The following SLC18A2 variants were observed in gnomAD, a reference collection of about 807,000 sequenced individuals.
The protein encoded by SLC18A2 is synaptic vesicular amine transporter.
A neutral mutation model predicts 59.2 loss-of-function variants in SLC18A2; 33 were observed. The observed-to-expected ratio is 0.56, with a 90% CI of 0.42 to 0.75. SLC18A2 has a LOEUF of 0.75. Ranked by LOEUF, SLC18A2 falls within the 30% of genes least tolerant of loss-of-function variation. SLC18A2 has a pLI of 0.00. For synonymous variants in SLC18A2, 228 were observed against 253.5 expected, an observed-to-expected ratio of 0.90 and a Z score of 0.95; for missense variants, 569 against 668.6, an observed-to-expected ratio of 0.85 and a Z score of 1.64.
chr10:117,253,856 A>G (rs369334723), intron 4 of SLC18A2, among the ~76,000 whole-genome samples, 192 bp from the exon 5 acceptor site: 6 of 152,208 alleles, frequency 3.9e-5, no homozygotes, highest in Non-Finnish European at 8.8e-5. Flanking sequence ...AAAAAAAAGT[A>G]TATGGCCTGG....
rs11369697 is a variant in SLC18A2, at chr10:117,246,661, C to CTT, written c.464+2356_464+2357dup. Among the ~76,000 whole-genome samples the CTT allele has an allele frequency of 9.6e-3, 1,443 of 150,496 alleles. 65 individuals are homozygous for CTT. The highest frequency in any genetic ancestry group is 0.07 in the Admixed American group (1,059 of 15,126). Reference sequence around the variant, plus strand: ...TGGAAGGACAAACAAATTTTTTTTTCTTTTTTTTTGAGATAGAGTCTTGCT... The same window carrying CTT: ...TGGAAGGACAAACAAATTTTTTTTTCTTTTTTTTTTTGAGATAGAGTCTTGCT... On this transcript the variant is annotated intron_variant, in intron 3 of 15. Coordinates refer to ENST00000644641, the MANE Select transcript of SLC18A2 (RefSeq NM_003054.6).
At position 117,266,799 on chromosome 10, in the gene SLC18A2, A is replaced by T; in HGVS notation, c.1058A>T (p.His353Leu). The T allele has an allele frequency of 6.2e-7, 1 of 1,613,362 alleles. No individual in the cohort carries two copies. Among genetic ancestry groups the T allele is most frequent in the Non-Finnish European group, 8.5e-7 (1 of 1,179,460 alleles). Reference sequence around the variant, plus strand: ...ACCAATATTTTTGGGATACTTGCACACAAAATGGGGAGGTAAGATGATATG... The same window carrying T: ...ACCAATATTTTTGGGATACTTGCACTCAAAATGGGGAGGTAAGATGATATG... ...IGTNIFGILAHKMGRWLCALL... is the reference protein window; with the variant it reads ...IGTNIFGILALKMGRWLCALL... The change falls in exon 11 of 16, where the codon CAC becomes CTC. Residue 353 changes from histidine to leucine, a missense_variant. By Grantham distance (99) the His-to-Leu change is moderately conservative. This residue lies in a region of SLC18A2 where 192 missense variants were observed against 278.8 expected (regional missense o/e 0.69). Coordinates refer to ENST00000644641, the MANE Select transcript of SLC18A2 (RefSeq NM_003054.6).
intron 9 of SLC18A2, among the ~76,000 whole-genome samples, chr10:117,256,650 G>C (rs777057138): frequency 1.3e-5 from 2 of 152,186 alleles, no homozygotes; most frequent in Non-Finnish European, 2.9e-5. Context: ...CCAAGACCCT[G>C]TCTATCATGC....
intron 15 of SLC18A2, among the ~76,000 whole-genome samples, chr10:117,276,613 C>CAAA (rs1161850365): frequency 0.46 from 21,306 of 46,778 alleles, 5,736 homozygotes; most frequent in Non-Finnish European, 0.52. Context: ...GACTTCATCT[C>CAAA]AAAAAAAAAA....
chr10:117,256,594 C>T (rs771369180), intron 9 of SLC18A2, among the ~76,000 whole-genome samples: 41 of 152,150 alleles, frequency 2.7e-4, no homozygotes, highest in Non-Finnish European at 4.7e-4. Context: ...TTTGTTTAAC[C>T]CTTCTGCTGC....
intron 10 of SLC18A2, among the ~76,000 whole-genome samples, chr10:117,259,496 C>A (rs928803666): frequency 1.6e-4 from 24 of 152,168 alleles, no homozygotes; most frequent in African/African-American, 5.8e-4. Flanking sequence ...CAGAGCATAG[C>A]CTCCCACAGC....
chr10:117,261,368 C>T (rs1271677694), intron 10 of SLC18A2, among the ~76,000 whole-genome samples: 5 of 152,126 alleles, frequency 3.3e-5, no homozygotes, highest in African/African-American at 7.2e-5. Context: ...AGTGCAATGG[C>T]GCGATCTTGG....
At chr10:117,254,877 T>G (rs1844209953) in intron 6 of SLC18A2, among the ~76,000 whole-genome samples, 1 of 152,218 alleles carries the variant, frequency 6.6e-6, no homozygotes, top group Non-Finnish European at 1.5e-5. Flanking sequence ...GACAAACATC[T>G]TCCCTGAGAG....
chr10:117,244,761 G>T (rs187474274), intron 3 of SLC18A2, among the ~76,000 whole-genome samples: 29 of 152,322 alleles, frequency 1.9e-4, no homozygotes, highest in African/African-American at 6.0e-4. Flanking sequence ...GAACTGGCAT[G>T]TTAAAGCCTC....
chr10:117,271,866 GT>G (rs1844431354), intron 15 of SLC18A2, among the ~76,000 whole-genome samples: 3 of 152,156 alleles, frequency 2.0e-5, no homozygotes, highest in Admixed American at 1.3e-4. Flanking sequence ...CATGATAACA[GT>G]TTAAGGCTGA....
rs1844178809 is a variant in SLC18A2, at chr10:117,252,777, TG to T, written c.465-621del. The stretch of plus-strand genomic sequence containing the variant: ...CCCTAGATTAAGTGGCAGGGTCATG[TG>T]TCCAGCCAGACATGGCATAGGGGAA... On this transcript the variant is annotated intron_variant, in intron 3 of 15. Coordinates refer to ENST00000644641, the MANE Select transcript of SLC18A2 (RefSeq NM_003054.6). 7.9e-5 allele frequency among the ~76,000 whole-genome samples: 12 copies of T among 152,330 alleles called. No homozygotes were observed. The South Asian group carries it at 2.3e-3, about 29-fold the overall frequency.
At chr10:117,262,451 C>T (rs1487562520) in intron 10 of SLC18A2, among the ~76,000 whole-genome samples, 1 of 152,178 alleles carries the variant, frequency 6.6e-6, no homozygotes, top group East Asian at 1.9e-4. Flanking sequence ...GACACCGAGT[C>T]AGCAAACAGC....
rs763828215 is a variant in SLC18A2 at position 117,266,973 on chromosome 10, T to C, written c.1071-11T>C. 1 of 1,612,320 alleles carries C rather than the reference T, an allele frequency of 6.2e-7. No homozygotes were observed. Among genetic ancestry groups the C allele is most frequent in the Non-Finnish European group, 8.5e-7 (1 of 1,179,556 alleles). Reference sequence around the variant, plus strand: ...ATGATCATTTCTTGATGGTGCTTTTTCTTTTGGTAGGTGGCTTTGTGCTCT... The same window carrying C: ...ATGATCATTTCTTGATGGTGCTTTTCCTTTTGGTAGGTGGCTTTGTGCTCT... On this transcript the variant is annotated splice_polypyrimidine_tract_variant and intron_variant, in intron 11 of 15. Transcript: ENST00000644641.
In SLC18A2 at chr10:117,278,387, GA is replaced by G. The variant is rs1431701068; in HGVS notation, c.*1126del. The G allele has an allele frequency of 2.6e-5, 4 of 152,170 alleles. No individual in the cohort carries two copies. The highest frequency in any genetic ancestry group is 2.6e-4 in the Admixed American group (4 of 15,288). 9.4% of individuals were successfully genotyped at this position (152,170 alleles called of 1,614,324 possible). A position where few individuals can be genotyped will look rare whatever the true frequency, so the allele number is the denominator to read the frequency against. ...AAAATAATAGTGATCAGGCAGAAAA[GA>G]AAAATGGAACATCTAAAAATGTATG... On this transcript the variant is annotated 3_prime_UTR_variant, in exon 16 of 16. Coordinates refer to ENST00000644641, the MANE Select transcript of SLC18A2 (RefSeq NM_003054.6).
In SLC18A2 at chr10:117,254,071, G is replaced by A; in HGVS notation, c.547G>A (p.Ala183Thr). 1 of 1,613,730 alleles carries A rather than the reference G, an allele frequency of 6.2e-7. No homozygotes were observed. Among genetic ancestry groups the A allele is most frequent in the South Asian group, 1.1e-5 (1 of 91,090 alleles). The change falls in exon 5 of 16, where the codon GCC becomes ACC. Residue 183 changes from alanine (A) to threonine (T), a missense_variant. Coordinates refer to ENST00000644641, the MANE Select transcript of SLC18A2 (RefSeq NM_003054.6). ...AGTGTTTGCCTTCTCCAGCAGCTAT[G>A]CCTTCCTGCTGATTGCCAGGTCGCT... ...TIMFAFSSSYAFLLIARSLQG... is the reference protein window; with the variant it reads ...TIMFAFSSSYTFLLIARSLQG...
chr10:117,243,605 A>T (rs1431202769), intron 2 of SLC18A2, among the ~76,000 whole-genome samples: 1 of 152,154 alleles, frequency 6.6e-6, no homozygotes, highest in Non-Finnish European at 1.5e-5. Flanking sequence ...TGTTTGTTTG[A>T]GACAGAGTCT....
intron 3 of SLC18A2, among the ~76,000 whole-genome samples, chr10:117,248,520 C>T (rs1003344149): frequency 3.9e-5 from 6 of 152,308 alleles, no homozygotes; most frequent in Non-Finnish European, 8.8e-5. Flanking sequence ...GACCTGATTT[C>T]CATGTTGGAA....
chr10:117,269,185 ACACACACACC>A lies in SLC18A2; in HGVS notation c.1187-885_1187-876del, dbSNP rs1353362037. ...CATACACACATACATATACACACAT[ACACACACACC>A]TACACACATACACATACACACACAT... On this transcript the variant is annotated intron_variant, in intron 13 of 15. Coordinates refer to ENST00000644641, the MANE Select transcript of SLC18A2 (RefSeq NM_003054.6). This position sits in a 1 kb window ranked among gnomAD's most constrained non-coding sequence, Gnocchi z 5.1. Among the ~76,000 whole-genome samples, 3 of 140,516 alleles carry A rather than the reference ACACACACACC, an allele frequency of 2.1e-5. No homozygotes were observed. The highest frequency in any genetic ancestry group is 4.6e-5 in the Non-Finnish European group (3 of 64,620). 92.2% of individuals were successfully genotyped at this position (140,516 alleles called of 152,430 possible). A position where few individuals can be genotyped will look rare whatever the true frequency, so the allele number is the denominator to read the frequency against.
intron 10 of SLC18A2, among the ~76,000 whole-genome samples, chr10:117,264,063 G>C (rs1455592866): frequency 6.6e-6 from 1 of 152,212 alleles, no homozygotes; most frequent in Non-Finnish European, 1.5e-5. Flanking sequence ...TGCTTCCGGG[G>C]CTGGATGGCC....
Sources: gnomAD v4.1 joint callset for allele counts (sites outside exome capture counted in the v4.1 genomes callset) on GRCh38, gnomAD v4.1.1 for gene constraint, gnomAD v4.1.1 regional missense constraint, Gnocchi (gnomAD v3.1) non-coding constraint, MANE v1.5 for transcripts, NCBI Gene and HGNC (gene_info 2026-07-23, HGNC 2026-07-21) for gene names.